The following KLHL29 variants were observed in gnomAD, a reference collection of about 807,000 sequenced individuals.
KLHL29 encodes kelch-like protein 29.
Under a neutral mutation model 80.4 loss-of-function variants are expected in KLHL29, and 21 were observed. That is an observed-to-expected ratio of 0.26 (90% CI 0.19 to 0.38). The LOEUF (loss-of-function observed/expected upper bound fraction) is 0.38, where lower values mean the gene tolerates loss of function less well. KLHL29 is among the 10% of genes least tolerant of loss of function. KLHL29 has a pLI of 1.00. For synonymous variants in KLHL29, 511 were observed against 526.8 expected (o/e 0.97, Z 0.41); for missense variants, 867 against 1,223.9 (o/e 0.71, Z 4.35).
intron 1 of KLHL29, among the ~76,000 whole-genome samples, chr2:23,419,457 C>T (rs562012069): frequency 4.0e-5 from 6 of 151,680 alleles, no homozygotes; most frequent in East Asian, 2.0e-4. Flanking sequence ...AGCCCACAGC[C>T]GGGGTGACTG....
chr2:23,414,036 T>TAG (rs879465843), intron 1 of KLHL29, among the ~76,000 whole-genome samples: 1 of 152,188 alleles, frequency 6.6e-6, no homozygotes, highest in Non-Finnish European at 1.5e-5. Context: ...GCTGTGCTGT[T>TAG]CCCCAGATGG....
chr2:23,548,022 T>G (rs1417402046), intron 2 of KLHL29, among the ~76,000 whole-genome samples: 1 of 152,080 alleles, frequency 6.6e-6, no homozygotes, highest in African/African-American at 2.4e-5. Flanking sequence ...ACACCCTGTC[T>G]TGGGACAGTT....
chr2:23,541,751 A>T (rs1318951772), intron 2 of KLHL29, among the ~76,000 whole-genome samples: 2 of 151,152 alleles, frequency 1.3e-5, no homozygotes, highest in Non-Finnish European at 2.9e-5. Flanking sequence ...AAGAGCTTTT[A>T]AAAAAGCCCA....
intron 1 of KLHL29, among the ~76,000 whole-genome samples, chr2:23,452,801 A>G (rs1663921489): frequency 6.6e-6 from 1 of 152,202 alleles, no homozygotes; most frequent in African/African-American, 2.4e-5. Context: ...CAACGCTGAC[A>G]TACTTACTGG....
At chr2:23,624,372 G>T (rs1475698096) in intron 3 of KLHL29, among the ~76,000 whole-genome samples, 11 of 152,164 alleles carry the variant, frequency 7.2e-5, no homozygotes, top group African/African-American at 2.4e-5. Context: ...TCTTATCAGG[G>T]ATTTTACATC....
intron 5 of KLHL29, among the ~76,000 whole-genome samples, chr2:23,678,525 CG>C (rs1199551101): frequency 2.6e-5 from 4 of 152,160 alleles, no homozygotes; most frequent in Non-Finnish European, 4.4e-5. Context: ...ACATTTAGAC[CG>C]GCCAGTCTCT....
chr2:23,655,356 C>G (rs1442384748), intron 5 of KLHL29, among the ~76,000 whole-genome samples: 2 of 152,170 alleles, frequency 1.3e-5, no homozygotes, highest in Non-Finnish European at 2.9e-5. Context: ...TTGATGAGGC[C>G]TATTAATTGA....
At chr2:23,535,214 G>C (rs1666624379) in intron 2 of KLHL29, among the ~76,000 whole-genome samples, 1 of 152,254 alleles carries the variant, frequency 6.6e-6, no homozygotes, top group African/African-American at 2.4e-5. Context: ...GCACAGGATT[G>C]CTCTGGGAGG....
chr2:23,597,975 G>A (rs942642022), intron 3 of KLHL29, among the ~76,000 whole-genome samples: 1 of 152,174 alleles, frequency 6.6e-6, no homozygotes, highest in African/African-American at 2.4e-5. Flanking sequence ...CCAGGAGTAA[G>A]GCCCCCTTCC....
chr2:23,500,502 T>C (rs1665408083), intron 2 of KLHL29, among the ~76,000 whole-genome samples: 1 of 152,198 alleles, frequency 6.6e-6, no homozygotes, highest in Non-Finnish European at 1.5e-5. Context: ...GCCCTTGATA[T>C]GTAGAGACAC....
At chr2:23,476,226 G>A (rs1007158014) in intron 2 of KLHL29, among the ~76,000 whole-genome samples, 1 of 151,902 alleles carries the variant, frequency 6.6e-6, no homozygotes, top group Non-Finnish European at 1.5e-5. Flanking sequence ...CTTTCCCCAG[G>A]AGGTTAGATC....
chr2:23,509,213 T>C (rs1281643997), intron 2 of KLHL29, among the ~76,000 whole-genome samples: 2 of 152,176 alleles, frequency 1.3e-5, no homozygotes, highest in Admixed American at 6.5e-5. Flanking sequence ...GGTGGAGACC[T>C]GGGGATACCG....
intron 3 of KLHL29, among the ~76,000 whole-genome samples, chr2:23,626,211 C>T (rs963281058): frequency 7.2e-5 from 11 of 152,200 alleles, no homozygotes; most frequent in South Asian, 2.1e-4. Flanking sequence ...CAACAGGGTT[C>T]GTGCTCCTAT....
At chr2:23,597,333 GTGTGTGTGTGTGTA>G (rs1199624496) in intron 3 of KLHL29, among the ~76,000 whole-genome samples, 13 of 138,914 alleles carry the variant, frequency 9.4e-5, no homozygotes, top group East Asian at 8.2e-4. Context: ...GTGTGTGTGT[GTGTGTGTGTGTGTA>G]TGTATATGTG....
chr2:23,597,407 ATTTTTTTTTTT>A (rs869224319), intron 3 of KLHL29, among the ~76,000 whole-genome samples: 16 of 24,718 alleles, frequency 6.5e-4, no homozygotes, highest in East Asian at 3.2e-3. Context: ...ATATATATAT[ATTTTTTTTTTT>A]TTTTTTTTTT....
intron 6 of KLHL29, among the ~76,000 whole-genome samples, chr2:23,686,101 G>C (rs1320692316): frequency 6.6e-6 from 1 of 152,200 alleles, no homozygotes; most frequent in Admixed American, 6.5e-5. Context: ...CTGAGAAGAG[G>C]GAGGAAGAGC....
At chr2:23,408,263 T>TAAAAAAAAAAAAAAAAAA (rs55790582) in intron 1 of KLHL29, among the ~76,000 whole-genome samples, 4 of 52,686 alleles carry the variant, frequency 7.6e-5, no homozygotes, top group Admixed American at 3.8e-4. Context: ...CATTTCACGC[T>TAAAAAAAAAAAAAAAAAA]AAAAAAAAAA....
At chr2:23,419,965 T>C (rs2103400872) in intron 1 of KLHL29, among the ~76,000 whole-genome samples, 1 of 152,304 alleles carries the variant, frequency 6.6e-6, no homozygotes, top group South Asian at 2.1e-4. Context: ...GGCCTTGTCA[T>C]GTAACACATC....
rs141662921 is a variant in KLHL29 at position 23,682,184 on chromosome 2, C to T, written c.941-2215C>T. 2.6e-5 allele frequency among the ~76,000 whole-genome samples: 4 copies of T among 152,324 alleles called. No homozygotes were observed. The highest frequency in any genetic ancestry group is 6.5e-5 in the Admixed American group (1 of 15,300). On this transcript the variant is annotated intron_variant, in intron 5 of 13. Coordinates refer to ENST00000486442, the MANE Select transcript of KLHL29 (RefSeq NM_052920.2). The surrounding 1 kb of genome is among the most constrained non-coding windows in gnomAD (Gnocchi z 4.1). Reference sequence around the variant, plus strand: ...CTCCTGTTTCTCTGTCCTGCTGTTGCTGTGTAATTCCGGCCTTCTCACCTC... The same window carrying T: ...CTCCTGTTTCTCTGTCCTGCTGTTGTTGTGTAATTCCGGCCTTCTCACCTC...
Sources: gnomAD v4.1 joint callset for allele counts (sites outside exome capture counted in the v4.1 genomes callset) on GRCh38, gnomAD v4.1.1 for gene constraint, Gnocchi (gnomAD v3.1) non-coding constraint, MANE v1.5 for transcripts, NCBI Gene and HGNC (gene_info 2026-07-23, HGNC 2026-07-21) for gene names.